MAPRE3: variants seen among roughly 807,000 people sequenced by gnomAD.
The protein encoded by MAPRE3 is microtubule-associated protein RP/EB family member 3.
MAPRE3 carries 2 observed loss-of-function variants against 30.5 expected under a neutral mutation model. The observed-to-expected ratio is 0.07, with a 90% confidence interval of 0.03 to 0.21. The LOEUF (loss-of-function observed/expected upper bound fraction) is 0.21, where lower values mean the gene tolerates loss of function less well. Ranked by LOEUF, MAPRE3 falls within the 10% of genes least tolerant of loss-of-function variation. The pLI is 1.00. For synonymous variants in MAPRE3, 110 were observed against 127.7 expected (o/e 0.86, Z 0.93); for missense variants, 204 against 351.8 (o/e 0.58, Z 3.36).
intron 1 of MAPRE3, among the ~76,000 whole-genome samples, chr2:26,998,594 A>G (rs1378444094): frequency 6.6e-6 from 1 of 152,184 alleles, no homozygotes; most frequent in Non-Finnish European, 1.5e-5. Context: ...TGTGCTGGAC[A>G]CCATGCCATA....
intron 1 of MAPRE3, 67 bp from the exon 2 acceptor site, chr2:27,022,145 C>T (rs1393964813): frequency 1.9e-6 from 3 of 1,567,634 alleles, no homozygotes; most frequent in Non-Finnish European, 2.6e-6. Context: ...TACAGCCCCT[C>T]TCTCTTGACA....
chr2:26,977,168 C>T (rs1281350465), intron 1 of MAPRE3, among the ~76,000 whole-genome samples: 1 of 152,176 alleles, frequency 6.6e-6, no homozygotes, highest in Non-Finnish European at 1.5e-5. Flanking sequence ...TGTGCCAAGT[C>T]ATAAGTGATT....
At chr2:27,000,556 A>G (rs999561642) in intron 1 of MAPRE3, among the ~76,000 whole-genome samples, 59 of 152,252 alleles carry the variant, frequency 3.9e-4, no homozygotes, top group African/African-American at 1.2e-3. Flanking sequence ...CATTTTTTAC[A>G]CCTAATAATG....
chr2:26,995,898 A>C (rs986795684), intron 1 of MAPRE3, among the ~76,000 whole-genome samples: 2 of 149,100 alleles, frequency 1.3e-5, no homozygotes, highest in African/African-American at 4.9e-5. Flanking sequence ...GGGACTACTG[A>C]TATTCCGGCC....
rs528586878 is a variant in MAPRE3, at chr2:27,015,793, A to G, written c.-7-6419A>G. ...TTGGCCATCTTTATGATTTAAGAAT[A>G]TAAGTGCCTAGATCTAAGTGCAGTC... On this transcript the variant is annotated intron_variant, in intron 1 of 6. Transcript: ENST00000233121. This position sits in a 1 kb window ranked among gnomAD's most constrained non-coding sequence, Gnocchi z 4.0. Among the ~76,000 whole-genome samples, 1 of 152,358 alleles carries G rather than the reference A, an allele frequency of 6.6e-6. No individual in the cohort carries two copies. The highest frequency in any genetic ancestry group is 1.9e-4 in the East Asian group (1 of 5,192).
intron 1 of MAPRE3, among the ~76,000 whole-genome samples, chr2:26,972,025 G>GA (rs1665924602): frequency 6.6e-6 from 1 of 152,156 alleles, no homozygotes; most frequent in South Asian, 2.1e-4. Flanking sequence ...TTTTCCAGAA[G>GA]AACTGAGTTG....
At chr2:27,023,987 A>T (rs1667173186) in intron 3 of MAPRE3, 109 bp from the exon 4 acceptor site, 1 of 788,594 alleles carries the variant, frequency 1.3e-6, no homozygotes, top group East Asian at 2.5e-5. Context: ...AAGGTGGAGG[A>T]CGCTGCAGCC....
chr2:27,010,100 C>T (rs1666815725), intron 1 of MAPRE3, among the ~76,000 whole-genome samples: 1 of 152,218 alleles, frequency 6.6e-6, no homozygotes, highest in Non-Finnish European at 1.5e-5. Context: ...CCTTAGAAAG[C>T]AATTTTGTCT....
chr2:26,998,315 T>C (rs1666511698), intron 1 of MAPRE3, among the ~76,000 whole-genome samples: 1 of 152,216 alleles, frequency 6.6e-6, no homozygotes, highest in Admixed American at 6.5e-5. Context: ...TCCACTCCAC[T>C]CACTGTCATG....
intron 1 of MAPRE3, among the ~76,000 whole-genome samples, chr2:26,978,437 AC>A (rs535527395): frequency 9.6e-5 from 14 of 146,406 alleles, no homozygotes; most frequent in Non-Finnish European, 1.8e-4. Context: ...GCCACCCTCC[AC>A]CCCCACCCGC....
chr2:26,988,610 A>G (rs1171283894), intron 1 of MAPRE3, among the ~76,000 whole-genome samples: 1 of 152,212 alleles, frequency 6.6e-6, no homozygotes, highest in Non-Finnish European at 1.5e-5. Context: ...TGACTGATTA[A>G]CAGTGACAAG....
chr2:27,013,058 A>T (rs1023530275), intron 1 of MAPRE3: 41 of 152,754 alleles, frequency 2.7e-4, no homozygotes, highest in Admixed American at 2.4e-3. Flanking sequence ...ATGGCTTGTT[A>T]TGTGTCCCCA....
chr2:27,006,809 G>A (rs1666739175), intron 1 of MAPRE3, among the ~76,000 whole-genome samples: 1 of 152,170 alleles, frequency 6.6e-6, no homozygotes, highest in African/African-American at 2.4e-5. Flanking sequence ...AGGCAGTGGC[G>A]TCAAACTCTG....
chr2:26,971,329 G>A (rs144424643), intron 1 of MAPRE3, among the ~76,000 whole-genome samples: 145 of 152,376 alleles, frequency 9.5e-4, no homozygotes, highest in African/African-American at 3.4e-3. Context: ...TGCCTGGCTG[G>A]TTTGGGGAAG....
rs912483385 is a variant in MAPRE3, at chr2:27,015,239, G to C, written c.-7-6973G>C. On this transcript the variant is annotated intron_variant, in intron 1 of 6. Transcript: ENST00000233121. The surrounding 1 kb of genome is among the most constrained non-coding windows in gnomAD (Gnocchi z 4.0). ...TGTCCCCGCGATGCTGACAGCACTT[G>C]CCAAATACATACTGAATGTCAGGCT... Among the ~76,000 whole-genome samples the C allele has an allele frequency of 2.6e-5, 4 of 152,352 alleles. No homozygotes were observed. Among genetic ancestry groups the C allele is most frequent in the Admixed American group, 2.6e-4 (4 of 15,306 alleles).
At chr2:27,005,582 C>T (rs1666707083) in intron 1 of MAPRE3, among the ~76,000 whole-genome samples, 1 of 152,216 alleles carries the variant, frequency 6.6e-6, no homozygotes, top group Admixed American at 6.5e-5. Context: ...CAACACTGAA[C>T]TCCCTTGAGT....
At chr2:26,992,895 C>G (rs964905125) in intron 1 of MAPRE3, among the ~76,000 whole-genome samples, 5 of 152,180 alleles carry the variant, frequency 3.3e-5, no homozygotes, top group Non-Finnish European at 5.9e-5. Context: ...TTGCTTCTCT[C>G]CTGAGAAATC....
chr2:27,002,478 C>G (rs990118292), intron 1 of MAPRE3, among the ~76,000 whole-genome samples: 1 of 151,460 alleles, frequency 6.6e-6, no homozygotes, highest in Non-Finnish European at 1.5e-5. Flanking sequence ...ATATTCTCAC[C>G]AATCATGTTT....
intron 1 of MAPRE3, among the ~76,000 whole-genome samples, chr2:26,972,532 T>C (rs2148193158): frequency 6.6e-6 from 1 of 152,342 alleles, no homozygotes; most frequent in South Asian, 2.1e-4. Context: ...GGGATGCACC[T>C]GCCTGTGGTG....
Sources: allele counts gnomAD v4.1 joint callset (sites outside exome capture counted in the v4.1 genomes callset), GRCh38; gene constraint gnomAD v4.1.1; non-coding constraint Gnocchi (gnomAD v3.1); transcripts MANE v1.5; gene names NCBI Gene and HGNC (gene_info 2026-07-23, HGNC 2026-07-21).